PCDHA3: variants seen among roughly 807,000 people sequenced by gnomAD.
PCDHA3 encodes protocadherin alpha 3, also known as protocadherin alpha-3.
PCDHA3 carries 41 observed loss-of-function variants against 62.2 expected under a neutral mutation model. That is an observed-to-expected ratio of 0.66 (90% CI 0.51 to 0.86). The LOEUF is 0.86. Ranked by LOEUF, PCDHA3 falls within the 40% of genes least tolerant of loss-of-function variation. The probability of loss-of-function intolerance (pLI) is 0.00; values close to 1 mark genes in which losing one functional copy is unlikely to be tolerated. For missense variants in PCDHA3, 1,304 were observed against 1,241.2 expected (o/e 1.05, Z -0.76); for synonymous variants, 640 against 555.4 (o/e 1.15, Z -2.14).
rs782408810 is a variant in PCDHA3, at chr5:140,802,485, G to A, written c.1288G>A (p.Gly430Arg). Residue 430 changes from glycine to arginine, a missense_variant, in exon 1 of 4, where the codon GGG becomes AGG. Transcript: ENST00000522353. ...TGAGCTGGTGGTGACTGCTCGGGAC[G>A]GGGGCTCGCCTTCACTGTGGGCCAC... ...AYELVVTARDGGSPSLWATAS... is the reference protein window; with the variant it reads ...AYELVVTARDRGSPSLWATAS... The A allele has an allele frequency of 6.2e-7, 1 of 1,614,166 alleles. No individual in the cohort carries two copies. The highest frequency in any genetic ancestry group is 8.5e-7 in the Non-Finnish European group (1 of 1,180,022).
chr5:140,966,183 C>T (rs1399845859), intron 1 of PCDHA3: 1 of 195,556 alleles, frequency 5.1e-6, no homozygotes, highest in African/African-American at 2.3e-5. Flanking sequence ...AGCTGATAGC[C>T]AGACTTCTAG....
At chr5:140,932,338 CACTT>C (rs1448800324) in intron 1 of PCDHA3, among the ~76,000 whole-genome samples, 19 of 151,866 alleles carry the variant, frequency 1.3e-4, no homozygotes, top group Non-Finnish European at 2.2e-4. Flanking sequence ...ATGCATGAAA[CACTT>C]ACCATACAAC....
intron 1 of PCDHA3, chr5:140,821,910 C>A: frequency 6.2e-7 from 1 of 1,614,236 alleles, no homozygotes; most frequent in Non-Finnish European, 8.5e-7. Flanking sequence ...CCTTCGTTGG[C>A]CGCATCGCGC....
chr5:140,823,848 C>G, intron 1 of PCDHA3: 1 of 1,613,852 alleles, frequency 6.2e-7, no homozygotes, highest in Non-Finnish European at 8.5e-7. Context: ...CCGAGGCTGC[C>G]CTGGTGGATG....
intron 1 of PCDHA3, among the ~76,000 whole-genome samples, chr5:140,874,488 A>G (rs1452122658): frequency 2.0e-5 from 3 of 152,254 alleles, no homozygotes; most frequent in African/African-American, 7.2e-5. Flanking sequence ...CAAAAGGTTG[A>G]TATCAAGTTC....
At chr5:140,907,021 C>A (rs950958374) in intron 1 of PCDHA3, among the ~76,000 whole-genome samples, 1 of 152,168 alleles carries the variant, frequency 6.6e-6, no homozygotes, top group Non-Finnish European at 1.5e-5. Flanking sequence ...TCTAGGCCAG[C>A]AGAACATAAT....
At chr5:140,917,657 G>A (rs1382905790) in intron 1 of PCDHA3, among the ~76,000 whole-genome samples, 2 of 152,156 alleles carry the variant, frequency 1.3e-5, no homozygotes, top group Admixed American at 1.3e-4. Context: ...TATTGAGTAG[G>A]AAGTCCTTTC....
At position 141,009,895 on chromosome 5, in the gene PCDHA3, A is replaced by G; in HGVS notation, c.2811A>G (p.Lys937=). ...AGAAGGGTAACAAGACCCAGGAGAA[A>G]AAAGAGAAAGGGAACAGCACGACTG... ...KKKKGNKTQE[K]KEKGNSTTDN... The change falls in exon 4 of 4, where the codon AAA becomes AAG. Residue 937 remains lysine (K), a synonymous_variant. Coordinates refer to ENST00000522353, the MANE Select transcript of PCDHA3 (RefSeq NM_018906.3). 2 of 1,613,224 alleles carry G rather than the reference A, an allele frequency of 1.2e-6. No homozygotes were observed. Among genetic ancestry groups the G allele is most frequent in the Non-Finnish European group, 1.7e-6 (2 of 1,179,866 alleles).
intron 1 of PCDHA3, chr5:140,868,693 T>C (rs1284176343): frequency 5.7e-6 from 1 of 176,810 alleles, no homozygotes; most frequent in African/African-American, 2.4e-5. Flanking sequence ...TAATGTTAAG[T>C]CAAACATAGA....
rs189901944 is a variant in PCDHA3, at chr5:140,916,206, G to A, written c.2395-62743G>A. 4.6e-3 allele frequency among the ~76,000 whole-genome samples: 705 copies of A among 152,282 alleles called. 3 individuals carry two copies. The highest frequency in any genetic ancestry group is 0.016 in the African/African-American group (682 of 41,562). ...AGGAAGTGGGCACCCCTCTGCCCTG[G>A]GGAAGATCCAAATATGCTTTCCAGG... On this transcript the variant is annotated intron_variant, in intron 1 of 3. Transcript: ENST00000522353.
rs2150233090 is a variant in PCDHA3 at position 140,847,186 on chromosome 5, T to C, written c.2394+43595T>C. On this transcript the variant is annotated intron_variant, in intron 1 of 3. Transcript: ENST00000522353. ...TAATAAACTAAAGGGCCATGAGTGA[T>C]TAAGGAATTTGGCCACTCTTTAGAA... Among the ~76,000 whole-genome samples, 2 of 149,618 alleles carry C rather than the reference T, an allele frequency of 1.3e-5. 1 individual carries two copies. Among genetic ancestry groups the C allele is most frequent in the African/African-American group, 4.9e-5 (2 of 40,934 alleles).
intron 1 of PCDHA3, among the ~76,000 whole-genome samples, chr5:140,838,077 AGTGTGT>A (rs2150283763): frequency 0.11 from 9,093 of 79,922 alleles, 336 homozygotes; most frequent in East Asian, 0.23. Flanking sequence ...ATATATATAT[AGTGTGT>A]GTGTGTGTGT....
rs143182337 is a variant in PCDHA3 at position 140,938,958 on chromosome 5, G to A, written c.2395-39991G>A. On this transcript the variant is annotated intron_variant, in intron 1 of 3. Coordinates refer to ENST00000522353, the MANE Select transcript of PCDHA3 (RefSeq NM_018906.3). ...TTTCCATTCTTATAATGCTCTAGTC[G>A]GAGTTTGGCATCAAGGCTATCCTGG... 3.2e-3 allele frequency among the ~76,000 whole-genome samples: 486 copies of A among 152,204 alleles called. 2 individuals carry two copies. Among genetic ancestry groups the A allele is most frequent in the Middle Eastern group, 0.014 (4 of 294 alleles).
At chr5:140,827,617 C>T (rs2150148430) in intron 1 of PCDHA3, among the ~76,000 whole-genome samples, 1 of 152,176 alleles carries the variant, frequency 6.6e-6, no homozygotes, top group Non-Finnish European at 1.5e-5. Flanking sequence ...TTCTTTTCTA[C>T]CAAGAGTGTA....
In PCDHA3 at chr5:140,802,535, C is replaced by T. The variant is rs114741177; in HGVS notation, c.1338C>T (p.Ala446=). Reference sequence around the variant, plus strand: ...CGGCCAGCGTGTCCGTGGAGGTGGCCGACGTGAACGACAATGCGCCGGCAT... The same window carrying T: ...CGGCCAGCGTGTCCGTGGAGGTGGCTGACGTGAACGACAATGCGCCGGCAT... ...WATASVSVEV[A]DVNDNAPAFS... is the part of the protein sequence containing the mutation. The change falls in exon 1 of 4, where the codon GCC becomes GCT. Residue 446 remains alanine, a synonymous_variant. Coordinates refer to ENST00000522353, the MANE Select transcript of PCDHA3 (RefSeq NM_018906.3). 6,269 of 1,614,142 alleles carry T rather than the reference C, an allele frequency of 3.9e-3. 13 individuals are homozygous for T. The highest frequency in any genetic ancestry group is 4.8e-3 in the Non-Finnish European group (5,638 of 1,180,054).
intron 1 of PCDHA3, chr5:140,870,643 G>C (rs782549928): frequency 6.2e-7 from 1 of 1,612,678 alleles, no homozygotes; most frequent in African/African-American, 1.3e-5. Flanking sequence ...CGCGGAGAGC[G>C]GCAAGGTGTA....
chr5:140,823,040 T>G (rs2150121625), intron 1 of PCDHA3: 1 of 1,614,210 alleles, frequency 6.2e-7, no homozygotes, highest in Middle Eastern at 1.7e-4. Context: ...GTCTATGAGC[T>G]GGTGGTGACC....
intron 1 of PCDHA3, chr5:140,871,675 T>C (rs1474564343): frequency 8.8e-7 from 1 of 1,142,376 alleles, no homozygotes; most frequent in African/African-American, 1.6e-5. Flanking sequence ...CTTTTAATCA[T>C]ATGAATAATC....
chr5:140,862,610 G>A (rs2047447715), intron 1 of PCDHA3: 4 of 520,926 alleles, frequency 7.7e-6, no homozygotes, highest in Non-Finnish European at 1.6e-5. Flanking sequence ...TTCGTGAAAG[G>A]TAACAACCCG....
Sources: allele counts gnomAD v4.1 joint callset (sites outside exome capture counted in the v4.1 genomes callset), GRCh38; gene constraint gnomAD v4.1.1; transcripts MANE v1.5; gene names NCBI Gene and HGNC (gene_info 2026-07-23, HGNC 2026-07-21).